The following KSR2 variants were observed in gnomAD, a reference collection of about 807,000 sequenced individuals.
KSR2 encodes kinase suppressor of ras 2.
Under a neutral mutation model 107.8 loss-of-function variants are expected in KSR2, and 25 were observed. The observed-to-expected ratio is 0.23, with a 90% CI of 0.17 to 0.32. The LOEUF is 0.32. KSR2 is among the 10% of genes least tolerant of loss of function. KSR2 has a pLI of 1.00. For missense variants in KSR2, 887 were observed against 1,268.9 expected, an observed-to-expected ratio of 0.70 and a Z score of 4.57; for synonymous variants, 480 against 507.0, an observed-to-expected ratio of 0.95 and a Z score of 0.71.
At chr12:117,848,841 G>GGTGGTGATGGTGATGATGGTGA (rs1892811014) in intron 3 of KSR2, among the ~76,000 whole-genome samples, 1 of 141,780 alleles carries the variant, frequency 7.1e-6, no homozygotes, top group African/African-American at 2.7e-5. Context: ...GGTAGTGGTG[G>GGTGGTGATGGTGATGATGGTGA]TGATGGTGAT....
intron 3 of KSR2, among the ~76,000 whole-genome samples, chr12:117,814,978 G>C (rs1364422121): frequency 2.0e-5 from 3 of 152,152 alleles, no homozygotes; most frequent in African/African-American, 7.2e-5. Context: ...AATGATCAAA[G>C]GGTGTGGCCA....
chr12:117,895,754 A>G (rs1028574300), intron 1 of KSR2, among the ~76,000 whole-genome samples: 2 of 152,176 alleles, frequency 1.3e-5, no homozygotes, highest in Non-Finnish European at 2.9e-5. Flanking sequence ...AACCAAAAAT[A>G]TCATATAAAA....
At chr12:117,696,927 A>G (rs1886085493) in intron 4 of KSR2, among the ~76,000 whole-genome samples, 1 of 152,160 alleles carries the variant, frequency 6.6e-6, no homozygotes, top group Non-Finnish European at 1.5e-5. Flanking sequence ...GGGCTCTTCA[A>G]TCTTTTTCAC....
chr12:117,582,593 T>A (rs1452834384), intron 5 of KSR2, among the ~76,000 whole-genome samples: 1 of 152,226 alleles, frequency 6.6e-6, no homozygotes, highest in African/African-American at 2.4e-5. Flanking sequence ...GTGGAATGAA[T>A]AAAAGTGAGC....
chr12:117,522,282 G>T (rs961411040), intron 14 of KSR2, among the ~76,000 whole-genome samples: 1 of 152,152 alleles, frequency 6.6e-6, no homozygotes, highest in Non-Finnish European at 1.5e-5. Flanking sequence ...CTTTGAGAAG[G>T]GGGTGAGGGA....
intron 14 of KSR2, among the ~76,000 whole-genome samples, chr12:117,491,299 C>G (rs1441252798): frequency 1.3e-5 from 2 of 152,190 alleles, no homozygotes; most frequent in African/African-American, 4.8e-5. Flanking sequence ...CTTGTCTCAG[C>G]CTCCTGAGTA....
intron 1 of KSR2, among the ~76,000 whole-genome samples, chr12:117,967,001 C>T (rs979331355): frequency 2.0e-5 from 3 of 152,114 alleles, no homozygotes; most frequent in Non-Finnish European, 4.4e-5. Context: ...TGGAAGTTCC[C>T]AAATTTAATC....
At chr12:117,785,907 A>C (rs1485897071) in intron 3 of KSR2, among the ~76,000 whole-genome samples, 1 of 152,242 alleles carries the variant, frequency 6.6e-6, no homozygotes, top group Non-Finnish European at 1.5e-5. Flanking sequence ...AAAACTCTTA[A>C]AGACATAATG....
At chr12:117,583,299 G>A (rs999031683) in intron 5 of KSR2, among the ~76,000 whole-genome samples, 1 of 151,052 alleles carries the variant, frequency 6.6e-6, no homozygotes, top group African/African-American at 2.4e-5. Context: ...GTGGGTGGAT[G>A]GATGAATAGA....
intron 4 of KSR2, among the ~76,000 whole-genome samples, chr12:117,733,631 G>A (rs924230583): frequency 6.6e-6 from 1 of 152,148 alleles, no homozygotes; most frequent in Non-Finnish European, 1.5e-5. Context: ...CCCTTACAGG[G>A]AAAATTTGCC....
chr12:117,943,657 C>G (rs987530526), intron 1 of KSR2, among the ~76,000 whole-genome samples: 10 of 151,972 alleles, frequency 6.6e-5, no homozygotes, highest in African/African-American at 2.4e-4. Flanking sequence ...AAATGAAGTA[C>G]TAATACATGG....
At chr12:117,855,833 G>C (rs1188972045) in intron 2 of KSR2, among the ~76,000 whole-genome samples, 1 of 152,142 alleles carries the variant, frequency 6.6e-6, no homozygotes, top group African/African-American at 2.4e-5. Flanking sequence ...TAGCGCAGGT[G>C]CTTAGTGCTA....
intron 1 of KSR2, among the ~76,000 whole-genome samples, chr12:117,958,958 T>C (rs1288704524): frequency 2.0e-5 from 3 of 152,130 alleles, no homozygotes; most frequent in African/African-American, 7.2e-5. Flanking sequence ...CAATAATCTA[T>C]TGTATATTTC....
chr12:117,932,784 G>A (rs779868223), intron 1 of KSR2, among the ~76,000 whole-genome samples: 13 of 152,052 alleles, frequency 8.5e-5, no homozygotes, highest in Admixed American at 2.6e-4. Context: ...AGGCTGAGGC[G>A]GGCAGATCAC....
At chr12:117,467,327 G>A (rs1871198588) in intron 19 of KSR2, 122 bp from the exon 20 acceptor site, 2 of 527,818 alleles carry the variant, frequency 3.8e-6, no homozygotes, top group Non-Finnish European at 6.9e-6. Context: ...CCTGTCTTCT[G>A]CAAGAAGACA....
At chr12:117,784,525 G>A (rs1477397703) in intron 3 of KSR2, among the ~76,000 whole-genome samples, 1 of 152,164 alleles carries the variant, frequency 6.6e-6, no homozygotes, top group African/African-American at 2.4e-5. Flanking sequence ...AATTAGCACA[G>A]TACCAAATAG....
At chr12:117,488,509 G>A (rs899127810) in intron 14 of KSR2, among the ~76,000 whole-genome samples, 9 of 152,026 alleles carry the variant, frequency 5.9e-5, no homozygotes, top group African/African-American at 2.2e-4. Flanking sequence ...TCATGAGAGC[G>A]GAGCCTCATG....
chr12:117,804,474 T>C (rs1243343475), intron 3 of KSR2, among the ~76,000 whole-genome samples: 1 of 152,260 alleles, frequency 6.6e-6, no homozygotes, highest in African/African-American at 2.4e-5. Flanking sequence ...CCCCTGCTCC[T>C]ATACCATTTG....
chr12:117,693,350 C>G (rs1267512396), intron 4 of KSR2, among the ~76,000 whole-genome samples: 1 of 152,134 alleles, frequency 6.6e-6, no homozygotes, highest in Non-Finnish European at 1.5e-5. Context: ...TACAATGAAC[C>G]ACCTATGGGC....
Sources: allele counts gnomAD v4.1 joint callset (sites outside exome capture counted in the v4.1 genomes callset), GRCh38; gene constraint gnomAD v4.1.1; transcripts MANE v1.5; gene names NCBI Gene and HGNC (gene_info 2026-07-23, HGNC 2026-07-21).